MBD5: variants seen among roughly 807,000 people sequenced by gnomAD.
MBD5 encodes the protein methyl-CpG binding domain protein 5.
Under a neutral mutation model 117.3 loss-of-function variants are expected in MBD5, and 13 were observed. The ratio of observed to expected loss-of-function variants is 0.11; its 90% CI spans 0.07 to 0.18. MBD5 has a LOEUF of 0.18. Ranked by LOEUF, MBD5 falls within the 10% of genes least tolerant of loss-of-function variation. The pLI, the probability that MBD5 is intolerant of heterozygous loss-of-function variation, is 1.00. For missense variants in MBD5, 1,879 were observed against 2,093.8 expected, an observed-to-expected ratio of 0.90 and a Z score of 2.00; for synonymous variants, 727 against 766.4, an observed-to-expected ratio of 0.95 and a Z score of 0.85.
At chr2:148,344,049 A>G (rs1385012511) in intron 4 of MBD5, among the ~76,000 whole-genome samples, 1 of 152,068 alleles carries the variant, frequency 6.6e-6, no homozygotes, top group Non-Finnish European at 1.5e-5. Flanking sequence ...AAGCTATTCC[A>G]TCACCATGTA....
At chr2:148,476,255 T>C (rs180870182) in intron 8 of MBD5, among the ~76,000 whole-genome samples, 16 of 152,268 alleles carry the variant, frequency 1.1e-4, no homozygotes, top group African/African-American at 3.4e-4. Context: ...TCCTACAGAG[T>C]TGAGCAACTG....
At chr2:148,322,509 A>G (rs1206150768) in intron 3 of MBD5, among the ~76,000 whole-genome samples, 1 of 152,164 alleles carries the variant, frequency 6.6e-6, no homozygotes, top group Non-Finnish European at 1.5e-5. Flanking sequence ...AGTTTAATCT[A>G]TCTTCATATT....
intron 1 of MBD5, among the ~76,000 whole-genome samples, chr2:148,152,580 C>T (rs981338972): frequency 2.0e-5 from 3 of 152,092 alleles, no homozygotes; most frequent in African/African-American, 7.2e-5. Flanking sequence ...GTCTAAGTCT[C>T]TTTGTAGGTC....
At chr2:148,207,525 C>T (rs1400222152) in intron 2 of MBD5, among the ~76,000 whole-genome samples, 1 of 151,632 alleles carries the variant, frequency 6.6e-6, no homozygotes, top group Non-Finnish European at 1.5e-5. Flanking sequence ...TACTAATTGT[C>T]CCCTCAGTCC....
rs527506324 is a variant in MBD5 at position 148,151,423 on chromosome 2, C to T, written c.-924-27277C>T. 2.4e-4 allele frequency among the ~76,000 whole-genome samples: 37 copies of T among 152,274 alleles called. No homozygotes were observed. In the East Asian group the frequency reaches 7.1e-3, roughly 29 times the overall value. Reference sequence around the variant, plus strand: ...ATTCTCTTTTTTGGTTGTGTCTCTACCCAGCTTTGGTATCAGAATGATGCT... The same window carrying T: ...ATTCTCTTTTTTGGTTGTGTCTCTATCCAGCTTTGGTATCAGAATGATGCT... On this transcript the variant is annotated intron_variant, in intron 1 of 13. Transcript: ENST00000642680.
At chr2:148,165,779 C>T (rs1002647819) in intron 1 of MBD5, among the ~76,000 whole-genome samples, 2 of 151,982 alleles carry the variant, frequency 1.3e-5, no homozygotes, top group African/African-American at 4.8e-5. Flanking sequence ...TTATGAAGTC[C>T]AGCAACATAG....
At chr2:148,510,827 G>A (rs1157943832) in intron 13 of MBD5, among the ~76,000 whole-genome samples, 1 of 152,118 alleles carries the variant, frequency 6.6e-6, no homozygotes, top group African/African-American at 2.4e-5. Context: ...CCATCATTTC[G>A]CAGATGGGTG....
intron 2 of MBD5, among the ~76,000 whole-genome samples, chr2:148,180,343 C>CATACATATATATATATATATAT (rs1553481823): frequency 1.9e-5 from 2 of 105,544 alleles, no homozygotes; most frequent in Admixed American, 1.1e-4. Flanking sequence ...AAAAATTATA[C>CATACATATATATATATATATAT]ATATATATAT....
At chr2:148,456,444 G>T (rs915525284) in intron 4 of MBD5, among the ~76,000 whole-genome samples, 2 of 152,180 alleles carry the variant, frequency 1.3e-5, no homozygotes, top group East Asian at 3.9e-4. Context: ...ACGGATTTGG[G>T]GGGGACACAG....
chr2:148,326,974 C>T (rs1363503798), intron 3 of MBD5, among the ~76,000 whole-genome samples: 2 of 151,398 alleles, frequency 1.3e-5, no homozygotes, highest in African/African-American at 2.4e-5. Flanking sequence ...GCGGCTGGTA[C>T]CGGTTGTTCC....
At chr2:148,424,719 G>A (rs1048972234) in intron 4 of MBD5, among the ~76,000 whole-genome samples, 1 of 152,156 alleles carries the variant, frequency 6.6e-6, no homozygotes, top group African/African-American at 2.4e-5. Flanking sequence ...TGGAACTCAG[G>A]ATTAAGAAAC....
chr2:148,176,738 C>A (rs1698399767), intron 1 of MBD5, among the ~76,000 whole-genome samples: 1 of 152,048 alleles, frequency 6.6e-6, no homozygotes, highest in African/African-American at 2.4e-5. Context: ...CATTAATAGC[C>A]TATTTCATGT....
chr2:148,058,843 T>A (rs1289911799), intron 1 of MBD5, among the ~76,000 whole-genome samples: 1 of 152,152 alleles, frequency 6.6e-6, no homozygotes, highest in Non-Finnish European at 1.5e-5. Context: ...CCAGAATGCA[T>A]TTTTTTGCGT....
At chr2:148,250,315 G>A (rs940533703) in intron 3 of MBD5, among the ~76,000 whole-genome samples, 1 of 152,142 alleles carries the variant, frequency 6.6e-6, no homozygotes, top group African/African-American at 2.4e-5. Context: ...CTACTTGAGG[G>A]TGGAGGTTGG....
chr2:148,290,056 A>G (rs1258314036), intron 3 of MBD5, among the ~76,000 whole-genome samples: 3 of 150,394 alleles, frequency 2.0e-5, no homozygotes, highest in Non-Finnish European at 4.4e-5. Context: ...CCTGAACTCA[A>G]GCAATTATCC....
intron 3 of MBD5, among the ~76,000 whole-genome samples, chr2:148,307,189 A>G (rs1308215917): frequency 1.3e-5 from 2 of 152,166 alleles, no homozygotes; most frequent in African/African-American, 4.8e-5. Context: ...ACATAATTGT[A>G]AAAAAGAAAC....
chr2:148,392,922 A>AT (rs1704607131), intron 4 of MBD5, among the ~76,000 whole-genome samples: 1 of 152,100 alleles, frequency 6.6e-6, no homozygotes, highest in Non-Finnish European at 1.5e-5. Flanking sequence ...TGAAAGATTT[A>AT]TTTTCATTTC....
At chr2:148,444,760 T>A (rs1178787859) in intron 4 of MBD5, among the ~76,000 whole-genome samples, 1 of 150,934 alleles carries the variant, frequency 6.6e-6, no homozygotes, top group Non-Finnish European at 1.5e-5. Flanking sequence ...CACGCCATAC[T>A]TAGCCCTATC....
intron 4 of MBD5, among the ~76,000 whole-genome samples, chr2:148,424,163 G>T (rs1705698393): frequency 1.2e-5 from 1 of 81,830 alleles, no homozygotes; most frequent in African/African-American, 4.4e-5. Context: ...GGGCAACAGA[G>T]CAAGACTCTG....
Sources: gnomAD v4.1 joint callset for allele counts (sites outside exome capture counted in the v4.1 genomes callset) on GRCh38, gnomAD v4.1.1 for gene constraint, MANE v1.5 for transcripts, NCBI Gene and HGNC (gene_info 2026-07-23, HGNC 2026-07-21) for gene names.